FAM171A1: variants seen among roughly 807,000 people sequenced by gnomAD.
FAM171A1 encodes family with sequence similarity 171 member A1.
In FAM171A1, 23 loss-of-function variants were observed where a neutral mutation model predicts 74.9. The ratio of observed to expected loss-of-function variants is 0.31; its 90% confidence interval spans 0.22 to 0.44. FAM171A1 has a LOEUF of 0.44. FAM171A1 is among the 20% of genes least tolerant of loss of function. The pLI, the probability that FAM171A1 is intolerant of heterozygous loss-of-function variation, is 1.00. For missense variants in FAM171A1, 1,162 were observed against 1,159.2 expected, an observed-to-expected ratio of 1.00 and a Z score of -0.03; for synonymous variants, 527 against 505.7, an observed-to-expected ratio of 1.04 and a Z score of -0.57.
intron 3 of FAM171A1, among the ~76,000 whole-genome samples, chr10:15,268,905 G>A (rs1834784116): frequency 6.6e-6 from 1 of 152,148 alleles, no homozygotes; most frequent in Non-Finnish European, 1.5e-5. Context: ...AGCCAGGTGT[G>A]GTGGTGCTTG....
intron 1 of FAM171A1, among the ~76,000 whole-genome samples, chr10:15,317,862 C>T (rs952463872): frequency 1.3e-5 from 2 of 152,094 alleles, no homozygotes; most frequent in African/African-American, 4.8e-5. Flanking sequence ...ACGATCATGG[C>T]TTACTGCAGC....
At chr10:15,358,905 G>C (rs1336363347) in intron 1 of FAM171A1, among the ~76,000 whole-genome samples, 1 of 152,202 alleles carries the variant, frequency 6.6e-6, no homozygotes, top group African/African-American at 2.4e-5. Context: ...CAGTTGGGGG[G>C]TGAAGTCCAG....
chr10:15,285,653 G>A (rs1369617467), intron 1 of FAM171A1, among the ~76,000 whole-genome samples: 1 of 152,204 alleles, frequency 6.6e-6, no homozygotes, highest in African/African-American at 2.4e-5. Flanking sequence ...CTGGTGTGAT[G>A]TATGTCCACC....
rs767672202 is a variant in FAM171A1, at chr10:15,213,922, G to A, written c.1666C>T (p.Arg556Trp). 1.4e-5 allele frequency: 22 copies of A among 1,614,078 alleles called. No individual in the cohort carries two copies. The highest frequency in any genetic ancestry group is 4.5e-5 in the East Asian group (2 of 44,892). Reference sequence around the variant, plus strand: ...CTGCAGCAGATTAACTGGCCGGGCCGTGGGAAGGACGTAGGTCTCTCGAGG... The same window carrying A: ...CTGCAGCAGATTAACTGGCCGGGCCATGGGAAGGACGTAGGTCTCTCGAGG... The part of the protein sequence containing the change: ...DHLERPTSFP[R>W]PGQLICCSSV... The change falls in exon 8 of 8, where the codon CGG becomes TGG. Residue 556 changes from arginine (R) to tryptophan (W), a missense_variant. Physicochemically the swap from Arg to Trp is moderately radical, Grantham distance 101 (BLOSUM62 -3). Transcript: ENST00000378116. This position sits in a 1 kb window ranked among gnomAD's most constrained non-coding sequence, Gnocchi z 6.8.
intron 1 of FAM171A1, among the ~76,000 whole-genome samples, chr10:15,356,550 T>C (rs1202775314): frequency 6.6e-6 from 1 of 152,158 alleles, no homozygotes; most frequent in African/African-American, 2.4e-5. Context: ...TAGAAATAAC[T>C]TGAGCGCCCA....
chr10:15,268,868 C>G (rs113442388), intron 3 of FAM171A1, among the ~76,000 whole-genome samples: 7 of 152,208 alleles, frequency 4.6e-5, no homozygotes, highest in African/African-American at 1.4e-4. Context: ...ATAGTGAAAC[C>G]CCATCTCTAC....
Position 15,248,491 on chromosome 10 carries a change from C to T in FAM171A1, c.754+148G>A, listed in dbSNP as rs143002042. Reference sequence around the variant, plus strand: ...GTCTGAATGGCACGGGGAAGGGTGCCGTCCCCATGAGAAACCACACAATGC... The same window carrying T: ...GTCTGAATGGCACGGGGAAGGGTGCTGTCCCCATGAGAAACCACACAATGC... On this transcript the variant is annotated intron_variant, in intron 5 of 7. Transcript: ENST00000378116. 125 of 730,230 alleles carry T rather than the reference C, an allele frequency of 1.7e-4. No individual in the cohort carries two copies. In the African/African-American group the frequency reaches 2.0e-3, roughly 11 times the overall value. 45.2% of individuals were successfully genotyped at this position (730,230 alleles called of 1,614,324 possible). A position where few individuals can be genotyped will look rare whatever the true frequency, so the allele number is the denominator to read the frequency against.
chr10:15,246,370 A>C (rs1056986186), intron 5 of FAM171A1, among the ~76,000 whole-genome samples: 1 of 152,208 alleles, frequency 6.6e-6, no homozygotes, highest in Non-Finnish European at 1.5e-5. Context: ...CCAAAAGCCC[A>C]ACAGGCGTTT....
At chr10:15,309,818 G>A (rs927655246) in intron 1 of FAM171A1, among the ~76,000 whole-genome samples, 23 of 152,260 alleles carry the variant, frequency 1.5e-4, no homozygotes, top group African/African-American at 5.1e-4. Flanking sequence ...AAAATTGCAG[G>A]TAATATTTAC....
intron 3 of FAM171A1, among the ~76,000 whole-genome samples, chr10:15,267,740 G>A (rs1198077220): frequency 6.6e-6 from 1 of 152,100 alleles, no homozygotes; most frequent in Non-Finnish European, 1.5e-5. Context: ...GACTTGAGAG[G>A]AGACAGTGAA....
chr10:15,227,381 C>CA (rs1423250951), intron 5 of FAM171A1, among the ~76,000 whole-genome samples: 1 of 152,020 alleles, frequency 6.6e-6, no homozygotes, highest in African/African-American at 2.4e-5. Context: ...TCTGAACTGT[C>CA]ATTTTCTTTT....
intron 1 of FAM171A1, among the ~76,000 whole-genome samples, chr10:15,285,539 G>C (rs1376954355): frequency 6.6e-6 from 1 of 152,204 alleles, no homozygotes; most frequent in East Asian, 1.9e-4. Flanking sequence ...GACTCCAGCA[G>C]AACTATCACG....
At chr10:15,306,184 T>C (rs1416172486) in intron 1 of FAM171A1, among the ~76,000 whole-genome samples, 3 of 152,188 alleles carry the variant, frequency 2.0e-5, no homozygotes, top group African/African-American at 7.2e-5. Context: ...AATAATGTGA[T>C]TGAGAAGATT....
intron 1 of FAM171A1, among the ~76,000 whole-genome samples, chr10:15,352,017 G>A (rs957899736): frequency 5.9e-5 from 9 of 151,272 alleles, no homozygotes; most frequent in Non-Finnish European, 1.0e-4. Flanking sequence ...GTGAAACCCT[G>A]TCTCTATTAA....
At chr10:15,323,535 G>A (rs968490747) in intron 1 of FAM171A1, among the ~76,000 whole-genome samples, 5 of 152,096 alleles carry the variant, frequency 3.3e-5, no homozygotes, top group Admixed American at 2.6e-4. Context: ...ATCATCATAC[G>A]ATCAGTACGT....
At chr10:15,344,759 T>C (rs181515999) in intron 1 of FAM171A1, among the ~76,000 whole-genome samples, 5 of 152,348 alleles carry the variant, frequency 3.3e-5, no homozygotes, top group Admixed American at 3.3e-4. Flanking sequence ...TTGTCCTGTG[T>C]TTCAGACTTT....
At chr10:15,275,518 A>C (rs915908297) in intron 3 of FAM171A1, among the ~76,000 whole-genome samples, 1 of 151,884 alleles carries the variant, frequency 6.6e-6, no homozygotes, top group African/African-American at 2.4e-5. Context: ...GCTGGTCTCC[A>C]ATCCCTGACC....
At chr10:15,372,788 T>C (rs1040336761), upstream of FAM171A1, among the ~76,000 whole-genome samples, 1 of 151,354 alleles carries the variant, frequency 6.6e-6, no homozygotes, top group African/African-American at 2.4e-5. Flanking sequence ...TCCTTGAGCC[T>C]AGGGACCCCC....
chr10:15,296,352 T>C (rs186156280), intron 1 of FAM171A1, among the ~76,000 whole-genome samples: 48 of 152,236 alleles, frequency 3.2e-4, no homozygotes, highest in African/African-American at 1.0e-3. Flanking sequence ...TTATTTAATA[T>C]GTATCTCATA....
Sources: gnomAD v4.1 joint callset for allele counts (sites outside exome capture counted in the v4.1 genomes callset) on GRCh38, gnomAD v4.1.1 for gene constraint, Gnocchi (gnomAD v3.1) non-coding constraint, MANE v1.5 for transcripts, NCBI Gene and HGNC (gene_info 2026-07-23, HGNC 2026-07-21) for gene names.